The following SYNE1 variants were observed in gnomAD, a reference collection of about 807,000 sequenced individuals.
SYNE1 encodes spectrin repeat containing nuclear envelope protein 1.
SYNE1 carries 616 observed loss-of-function variants against 1,111.0 expected under a neutral mutation model. The observed-to-expected ratio is 0.55, with a 90% CI of 0.52 to 0.59. The LOEUF (loss-of-function observed/expected upper bound fraction) is 0.59. SYNE1 is among the 20% of genes least tolerant of loss of function. The pLI is 0.00. For synonymous variants in SYNE1, 3,855 were observed against 3,825.8 expected (o/e 1.01, Z -0.28); for missense variants, 10,006 against 10,417.0 (o/e 0.96, Z 1.72).
At chr6:152,181,894 A>T (rs1265184652) in intron 128 of SYNE1, among the ~76,000 whole-genome samples, 2 of 152,202 alleles carry the variant, frequency 1.3e-5, no homozygotes, top group Admixed American at 6.5e-5. Flanking sequence ...CATTCCCACC[A>T]GTAGTAGGAT....
intron 140 of SYNE1, among the ~76,000 whole-genome samples, chr6:152,138,954 AT>A (rs1163283117): frequency 6.6e-6 from 1 of 152,198 alleles, no homozygotes; most frequent in Non-Finnish European, 1.5e-5. Flanking sequence ...AGTTTTATTT[AT>A]TACAGCAAAA....
chr6:152,574,830 CA>C (rs2099489926), intron 3 of SYNE1, among the ~76,000 whole-genome samples: 2 of 152,224 alleles, frequency 1.3e-5, no homozygotes, highest in East Asian at 3.9e-4. Flanking sequence ...ACCATTCAGT[CA>C]AATCCTTATA....
chr6:152,192,918 T>C (rs1364013091), intron 127 of SYNE1, among the ~76,000 whole-genome samples: 1 of 152,132 alleles, frequency 6.6e-6, no homozygotes, highest in East Asian at 1.9e-4. Flanking sequence ...GCATAGAATA[T>C]CGTTTTCCAT....
At chr6:152,309,316 G>C (rs17768592) in intron 90 of SYNE1, among the ~76,000 whole-genome samples, 3,615 of 152,290 alleles carry the variant, frequency 0.024, 94 homozygotes, top group Admixed American at 0.087. Context: ...GATAAAGCAA[G>C]AATTATTAGT....
intron 3 of SYNE1, among the ~76,000 whole-genome samples, chr6:152,627,165 G>A (rs762952242): frequency 9.2e-5 from 14 of 152,114 alleles, no homozygotes; most frequent in African/African-American, 2.2e-4. Flanking sequence ...TGAATATATC[G>A]TTAGGATTCT....
Position 152,387,281 on chromosome 6 carries a change from A to G in SYNE1, c.8278T>C (p.Leu2760=). Residue 2760 remains leucine, a synonymous_variant, in exon 54 of 146, where the codon TTA becomes CTA. Coordinates refer to ENST00000367255, the MANE Select transcript of SYNE1 (RefSeq NM_182961.4). ...TCTTTCAGACCTGGCTGTGGTTGTAAGGGATGTTCTATTTTTTGATCCACT... is the reference window on the plus strand; with the variant it reads ...TCTTTCAGACCTGGCTGTGGTTGTAGGGGATGTTCTATTTTTTGATCCACT... ...ESVDQKIEHP[L]QPQPGLKEKF... is the part of the protein sequence containing the mutation. 7.4e-6 allele frequency: 12 copies of G among 1,614,210 alleles called. No homozygotes were observed. Among genetic ancestry groups the G allele is most frequent in the Non-Finnish European group, 1.0e-5 (12 of 1,180,022 alleles).
chr6:152,358,266 T>C (rs2096873027), intron 66 of SYNE1, 107 bp downstream of exon 66: 2 of 1,455,488 alleles, frequency 1.4e-6, no homozygotes, highest in African/African-American at 2.8e-5. Context: ...TTAATGTGTA[T>C]CAACTAGCCA....
chr6:152,309,338 A>G (rs1308027925), intron 90 of SYNE1, among the ~76,000 whole-genome samples: 1 of 152,238 alleles, frequency 6.6e-6, no homozygotes, highest in African/African-American at 2.4e-5. Flanking sequence ...GAAGGGAGAC[A>G]TAAGGTAAAC....
At chr6:152,254,244 CTTTTTTTTTTTTTTTT>C (rs773598537) in intron 104 of SYNE1, among the ~76,000 whole-genome samples, 1 of 73,144 alleles carries the variant, frequency 1.4e-5, no homozygotes, top group South Asian at 6.7e-4. Flanking sequence ...TCTGCATACT[CTTTTTTTTTTTTTTTT>C]TTTTTTTTTG....
intron 32 of SYNE1, among the ~76,000 whole-genome samples, chr6:152,436,954 C>T (rs2098479271): frequency 6.6e-6 from 1 of 151,816 alleles, no homozygotes; most frequent in Non-Finnish European, 1.5e-5. Context: ...TCACTTGAGG[C>T]CAGGAGTTTG....
intron 76 of SYNE1, among the ~76,000 whole-genome samples, chr6:152,334,671 T>C (rs2096338836): frequency 6.6e-6 from 1 of 152,254 alleles, no homozygotes; most frequent in Non-Finnish European, 1.5e-5. Flanking sequence ...AGGGTGCTTT[T>C]ATTCTCAAGA....
Position 152,236,814 on chromosome 6 carries a change from A to G in SYNE1, c.20199+3T>C. On this transcript the variant is annotated splice_donor_region_variant and intron_variant, in intron 109 of 145. Transcript: ENST00000367255. ...AGGCAATGTGGCGGCTTGTAACACC[A>G]ACCTGGTAGAGTGTTATGCGGTCAA... is the stretch of plus-strand genomic sequence containing the variant. The G allele has an allele frequency of 1.2e-6, 2 of 1,614,158 alleles. No individual in the cohort carries two copies. Among genetic ancestry groups the G allele is most frequent in the Non-Finnish European group, 1.7e-6 (2 of 1,180,016 alleles).
At chr6:152,384,699 AG>A (rs987926107) in intron 55 of SYNE1, among the ~76,000 whole-genome samples, 2 of 152,064 alleles carry the variant, frequency 1.3e-5, no homozygotes, top group Non-Finnish European at 2.9e-5. Flanking sequence ...AACATGGTGA[AG>A]CCCCGTCTCT....
intron 142 of SYNE1, chr6:152,134,141 A>T (rs2056503785): frequency 1.9e-5 from 3 of 153,888 alleles, no homozygotes; most frequent in Non-Finnish European, 2.9e-5. Flanking sequence ...TATCTTCTAT[A>T]AAGTCACTTA....
At chr6:152,267,991 GT>G in intron 100 of SYNE1, 64 bp downstream of exon 100, 1 of 1,423,518 alleles carries the variant, frequency 7.0e-7, no homozygotes. Context: ...TGAGTGAGAT[GT>G]TTACTTTTCT....
intron 131 of SYNE1, among the ~76,000 whole-genome samples, chr6:152,157,457 T>C (rs932850758): frequency 3.9e-5 from 6 of 152,078 alleles, no homozygotes; most frequent in Non-Finnish European, 7.4e-5. Context: ...GAGGTGTCAA[T>C]AGACACAAAC....
chr6:152,543,239 C>T (rs569791766), intron 3 of SYNE1, among the ~76,000 whole-genome samples: 94 of 152,124 alleles, frequency 6.2e-4, no homozygotes, highest in Non-Finnish European at 1.0e-3. Context: ...AAATTCTTTA[C>T]GTGTTTCCTT....
At chr6:152,138,594 CA>C (rs2057680240) in intron 140 of SYNE1, among the ~76,000 whole-genome samples, 1 of 150,404 alleles carries the variant, frequency 6.6e-6, no homozygotes, top group African/African-American at 2.4e-5. Context: ...AAAAGCAAGC[CA>C]AAAAACATCA....
chr6:152,501,581 A>G (rs1444975598), intron 10 of SYNE1, among the ~76,000 whole-genome samples: 1 of 152,106 alleles, frequency 6.6e-6, no homozygotes, highest in African/African-American at 2.4e-5. Flanking sequence ...TAGAAACAGA[A>G]AACAATAGCT....
Sources: gnomAD v4.1 joint callset for allele counts (sites outside exome capture counted in the v4.1 genomes callset) on GRCh38, gnomAD v4.1.1 for gene constraint, MANE v1.5 for transcripts, NCBI Gene and HGNC (gene_info 2026-07-23, HGNC 2026-07-21) for gene names.